The following KIAA1217 variants were observed in gnomAD, a reference collection of about 807,000 sequenced individuals.
KIAA1217 encodes the protein sickle tail protein homolog.
Under a neutral mutation model 163.9 loss-of-function variants are expected in KIAA1217, and 88 were observed. The observed-to-expected ratio is 0.54, with a 90% CI of 0.45 to 0.64. The LOEUF is 0.64. KIAA1217 is among the 30% of genes least tolerant of loss of function. The pLI is 0.00. For synonymous variants in KIAA1217, 903 were observed against 923.1 expected (o/e 0.98, Z 0.39); for missense variants, 2,372 against 2,475.0 (o/e 0.96, Z 0.88).
At position 24,513,300 on chromosome 10, in the gene KIAA1217, C is replaced by T. The variant is rs61735603; in HGVS notation, c.2043C>T (p.Ala681=). ...QELLRAMMKK[A]ELEISGKVME... ...TGCTGAGGGCAATGATGAAGAAGGCCGAGCTGGAAATCAGTGGCAAAGTGA... is the reference window on the plus strand; with the variant it reads ...TGCTGAGGGCAATGATGAAGAAGGCTGAGCTGGAAATCAGTGGCAAAGTGA... The change falls in exon 10 of 21, where the codon GCC becomes GCT. Residue 681 remains alanine, a synonymous_variant. Transcript: ENST00000376454. The T allele has an allele frequency of 1.3e-3, 2,024 of 1,614,070 alleles. 23 individuals are homozygous for T. In the African/African-American group the frequency reaches 0.017, roughly 13 times the overall value.
intron 3 of KIAA1217, among the ~76,000 whole-genome samples, chr10:24,406,582 A>C (rs142837328): frequency 1.3e-5 from 2 of 152,310 alleles, no homozygotes; most frequent in East Asian, 1.9e-4. Flanking sequence ...AGTTTATACA[A>C]TTGAAAAGAG....
At chr10:24,138,044 AAACACTATG>A (rs1359461712) in intron 2 of KIAA1217, among the ~76,000 whole-genome samples, 1 of 152,258 alleles carries the variant, frequency 6.6e-6, no homozygotes, top group Admixed American at 6.5e-5. Context: ...AATGAAAGAT[AAACACTATG>A]AACGTATAGT....
chr10:23,930,810 T>G (rs1843224400), intron 1 of KIAA1217, among the ~76,000 whole-genome samples: 1 of 152,206 alleles, frequency 6.6e-6, no homozygotes, highest in Non-Finnish European at 1.5e-5. Flanking sequence ...GGGTGAGGCC[T>G]GGATTTCCTG....
chr10:23,999,839 C>A (rs895412528), intron 1 of KIAA1217, among the ~76,000 whole-genome samples: 1 of 152,118 alleles, frequency 6.6e-6, no homozygotes, highest in Admixed American at 6.5e-5. Context: ...GCGAGAGGAT[C>A]GCTTGAGCCC....
chr10:24,401,513 T>A (rs4748944), intron 3 of KIAA1217, among the ~76,000 whole-genome samples: 2,925 of 152,162 alleles, frequency 0.019, 180 homozygotes, highest in East Asian at 0.17. Context: ...TAATTGACAG[T>A]TAAAAATATT....
chr10:23,843,963 C>T (rs1838905582), intron 1 of KIAA1217, among the ~76,000 whole-genome samples: 1 of 152,136 alleles, frequency 6.6e-6, no homozygotes, highest in Admixed American at 6.6e-5. Context: ...ATGGAGTCCA[C>T]CAGTCTAGAG....
In KIAA1217 at chr10:24,278,223, A is replaced by C. The variant is rs12570155; in HGVS notation, c.354+58314A>C. ...TCAGACTGACCACTGGCTTCTGGAA[A>C]GTCTTCATTTCTGAAAGACTGTCAG... On this transcript the variant is annotated intron_variant, in intron 2 of 20. Transcript: ENST00000376454. Among the ~76,000 whole-genome samples the C allele has an allele frequency of 3.9e-4, 59 of 152,310 alleles. No homozygotes were observed. The East Asian group carries it at 0.01, about 26-fold the overall frequency.
At chr10:24,230,116 A>T (rs376287510) in intron 2 of KIAA1217, among the ~76,000 whole-genome samples, 1 of 152,296 alleles carries the variant, frequency 6.6e-6, no homozygotes, top group African/African-American at 2.4e-5. Context: ...CTGTTTTCTC[A>T]ACAAATATTT....
At chr10:24,427,632 T>C (rs79832083) in intron 3 of KIAA1217, among the ~76,000 whole-genome samples, 2,867 of 152,306 alleles carry the variant, frequency 0.019, 93 homozygotes, top group African/African-American at 0.065. Flanking sequence ...TTCTGACATA[T>C]GGCAGGCATC....
chr10:23,968,368 T>A (rs988600908), intron 1 of KIAA1217, among the ~76,000 whole-genome samples: 1 of 152,204 alleles, frequency 6.6e-6, no homozygotes, highest in African/African-American at 2.4e-5. Context: ...GCAAGAGTTA[T>A]AGCTCATTTC....
chr10:24,172,341 C>G (rs2065671042), intron 2 of KIAA1217, among the ~76,000 whole-genome samples: 2 of 152,120 alleles, frequency 1.3e-5, no homozygotes, highest in Admixed American at 6.6e-5. Flanking sequence ...TGTCCAAATT[C>G]ATAGAGACAA....
chr10:24,518,888 A>G lies in KIAA1217; in HGVS notation c.2178-1235A>G, dbSNP rs2070640016. On this transcript the variant is annotated intron_variant, in intron 10 of 20. Coordinates refer to ENST00000376454, the MANE Select transcript of KIAA1217 (RefSeq NM_019590.5). ...CATCATTTCATCTGAAATGGCCACA[A>G]GCAATTTTGGTTTATTTTTCATAAC... Among the ~76,000 whole-genome samples the G allele has an allele frequency of 1.3e-5, 2 of 152,186 alleles. 1 individual carries two copies. Among genetic ancestry groups the G allele is most frequent in the South Asian group, 4.1e-4 (2 of 4,832 alleles).
In KIAA1217 at chr10:24,494,608, A is replaced by G; in HGVS notation, c.1784+4A>G. ...GTTATAGCAAAGATGCGTCTAGGTA[A>G]AAAAGAAGAAAGCCAATGAAAAAAA... On this transcript the variant is annotated splice_donor_region_variant and intron_variant, in intron 7 of 20. Transcript: ENST00000376454. The G allele has an allele frequency of 1.9e-6, 3 of 1,563,818 alleles. No homozygotes were observed. The highest frequency in any genetic ancestry group is 2.6e-6 in the Non-Finnish European group (3 of 1,141,988).
chr10:24,169,244 C>T (rs2065501929), intron 2 of KIAA1217, among the ~76,000 whole-genome samples: 1 of 152,236 alleles, frequency 6.6e-6, no homozygotes, highest in Non-Finnish European at 1.5e-5. Flanking sequence ...CATTGCTTCT[C>T]CTCATCACAC....
At chr10:24,472,119 T>C (rs996435592) in intron 5 of KIAA1217, among the ~76,000 whole-genome samples, 1 of 152,152 alleles carries the variant, frequency 6.6e-6, no homozygotes, top group African/African-American at 2.4e-5. Flanking sequence ...TCCTTTCTAT[T>C]AAGTGGAAGT....
chr10:24,058,983 G>A (rs1382242733), intron 2 of KIAA1217, among the ~76,000 whole-genome samples: 1 of 151,990 alleles, frequency 6.6e-6, no homozygotes, highest in African/African-American at 2.4e-5. Context: ...AAGTTTTCAA[G>A]TTTTCACCAT....
At position 23,911,740 on chromosome 10, in the gene KIAA1217, TTTA is replaced by T. The variant is rs371351140; in HGVS notation, c.-320-95476_-320-95474del. Among the ~76,000 whole-genome samples the T allele has an allele frequency of 3.2e-4, 49 of 152,240 alleles. No individual in the cohort carries two copies. In the East Asian group the frequency reaches 7.4e-3, roughly 23 times the overall value. ...CAAGGTTGAATGTCTAGGCATGTAA[TTTA>T]TTATTATTCCATTAAGATGGCCGAG... On this transcript the variant is annotated intron_variant, in intron 1 of 18. Coordinates refer to the KIAA1217 transcript ENST00000376462.
At chr10:24,304,874 A>T (rs868402395) in intron 2 of KIAA1217, among the ~76,000 whole-genome samples, 1 of 152,186 alleles carries the variant, frequency 6.6e-6, no homozygotes, top group Non-Finnish European at 1.5e-5. Context: ...TGCAGGGCAG[A>T]TGACTGGCAG....
chr10:24,517,494 T>C (rs960214887), intron 10 of KIAA1217, among the ~76,000 whole-genome samples: 1 of 152,198 alleles, frequency 6.6e-6, no homozygotes, highest in Non-Finnish European at 1.5e-5. Context: ...AAAAAGAGCT[T>C]ATTTTTTAAA....
Sources: gnomAD v4.1 joint callset for allele counts (sites outside exome capture counted in the v4.1 genomes callset) on GRCh38, gnomAD v4.1.1 for gene constraint, MANE v1.5 for transcripts, NCBI Gene and HGNC (gene_info 2026-07-23, HGNC 2026-07-21) for gene names.